Variants in SYN3 observed in about 807,000 individuals in gnomAD.
SYN3 encodes the protein synapsin-3.
Under a neutral mutation model 65.8 loss-of-function variants are expected in SYN3, and 35 were observed. That is an observed-to-expected ratio of 0.53 (90% confidence interval 0.41 to 0.70). The LOEUF (loss-of-function observed/expected upper bound fraction) is 0.70. SYN3 is among the 30% of genes least tolerant of loss of function. The probability of loss-of-function intolerance (pLI) is 0.00; values close to 1 mark genes in which losing one functional copy is unlikely to be tolerated. For missense variants in SYN3, 680 were observed against 749.0 expected (o/e 0.91, Z 1.08); for synonymous variants, 270 against 292.9 (o/e 0.92, Z 0.80).
chr22:32,693,592 GTTTTTTT>G (rs1189710191), intron 6 of SYN3, among the ~76,000 whole-genome samples: 21 of 90,532 alleles, frequency 2.3e-4, no homozygotes, highest in Non-Finnish European at 3.3e-4. Flanking sequence ...TCTGTAGCTT[GTTTTTTT>G]TTTTTTTTTT....
At chr22:32,984,779 C>G (rs2052475099) in intron 2 of SYN3, among the ~76,000 whole-genome samples, 1 of 152,044 alleles carries the variant, frequency 6.6e-6, no homozygotes, top group Non-Finnish European at 1.5e-5. Context: ...ACTGGGTGGG[C>G]CTGGGACCGG....
At chr22:32,858,397 T>C (rs1282277878) in intron 6 of SYN3, among the ~76,000 whole-genome samples, 1 of 152,142 alleles carries the variant, frequency 6.6e-6, no homozygotes, top group Non-Finnish European at 1.5e-5. Flanking sequence ...TGCTGGGGCA[T>C]GAGGGCTCTT....
At chr22:33,018,933 T>G (rs1472357328) in intron 1 of SYN3, among the ~76,000 whole-genome samples, 5 of 152,142 alleles carry the variant, frequency 3.3e-5, no homozygotes, top group African/African-American at 1.2e-4. Context: ...TCCACTAACA[T>G]CTTCAGCATC....
intron 6 of SYN3, among the ~76,000 whole-genome samples, chr22:32,843,913 G>A (rs1396620631): frequency 6.6e-6 from 1 of 152,130 alleles, no homozygotes; most frequent in Non-Finnish European, 1.5e-5. Flanking sequence ...TCTTTGGAGA[G>A]ACAGGAATGG....
chr22:32,970,017 C>T (rs2051969486), intron 3 of SYN3, among the ~76,000 whole-genome samples: 1 of 152,186 alleles, frequency 6.6e-6, no homozygotes, highest in Non-Finnish European at 1.5e-5. Flanking sequence ...GGATTATATC[C>T]TTTCTATTTC....
intron 6 of SYN3, among the ~76,000 whole-genome samples, chr22:32,750,648 A>T (rs912301092): frequency 6.6e-6 from 1 of 151,634 alleles, no homozygotes; most frequent in African/African-American, 2.4e-5. Context: ...ATATACTGAA[A>T]CAGGGCAAGG....
At chr22:32,569,581 A>ATATATT (rs2058731185) in intron 7 of SYN3, among the ~76,000 whole-genome samples, 1 of 120,542 alleles carries the variant, frequency 8.3e-6, no homozygotes, top group African/African-American at 2.8e-5. Flanking sequence ...CTATATATAT[A>ATATATT]TATATATAAA....
At chr22:32,554,947 G>A (rs2058471935) in intron 7 of SYN3, among the ~76,000 whole-genome samples, 1 of 152,330 alleles carries the variant, frequency 6.6e-6, no homozygotes, top group South Asian at 2.1e-4. Context: ...TTGCTGTTGA[G>A]CATTCAATGA....
At chr22:32,886,939 G>A (rs1341575173) in intron 4 of SYN3, among the ~76,000 whole-genome samples, 1 of 152,248 alleles carries the variant, frequency 6.6e-6, no homozygotes, top group Non-Finnish European at 1.5e-5. Context: ...CCCGGAGGGG[G>A]TGGGATCTGT....
intron 4 of SYN3, among the ~76,000 whole-genome samples, chr22:32,875,546 T>C (rs1203628730): frequency 6.6e-6 from 1 of 151,996 alleles, no homozygotes; most frequent in Non-Finnish European, 1.5e-5. Flanking sequence ...ATTTGGAAAA[T>C]AGGGCCTTTG....
At chr22:32,653,527 C>T (rs945365029) in intron 6 of SYN3, among the ~76,000 whole-genome samples, 4 of 152,094 alleles carry the variant, frequency 2.6e-5, no homozygotes, top group African/African-American at 4.8e-5. Context: ...ACCCAGAGTC[C>T]TTTATGGGAG....
intron 6 of SYN3, among the ~76,000 whole-genome samples, chr22:32,722,051 G>C (rs182050952): frequency 1.3e-5 from 2 of 152,322 alleles, no homozygotes; most frequent in African/African-American, 4.8e-5. Context: ...GCAAATGAGC[G>C]AGAGGAAGAG....
chr22:32,743,146 A>C (rs999735563), intron 6 of SYN3, among the ~76,000 whole-genome samples: 5 of 152,232 alleles, frequency 3.3e-5, no homozygotes, highest in Non-Finnish European at 5.9e-5. Context: ...TAGCTATTTC[A>C]GTTACCCCCT....
intron 7 of SYN3, among the ~76,000 whole-genome samples, chr22:32,582,904 C>T (rs1268764815): frequency 6.6e-6 from 1 of 152,194 alleles, no homozygotes; most frequent in Non-Finnish European, 1.5e-5. Flanking sequence ...CCTCCTCCAT[C>T]GACCTGCTGA....
intron 6 of SYN3, among the ~76,000 whole-genome samples, chr22:32,599,599 G>T (rs540657349): frequency 6.6e-6 from 1 of 152,250 alleles, no homozygotes; most frequent in Non-Finnish European, 1.5e-5. Context: ...GGGATTACAG[G>T]TGTGAGCCAC....
intron 6 of SYN3, among the ~76,000 whole-genome samples, chr22:32,732,908 T>C (rs2061288802): frequency 6.6e-6 from 1 of 152,218 alleles, no homozygotes; most frequent in African/African-American, 2.4e-5. Context: ...CCATAAGTCT[T>C]ATATTATCCT....
chr22:32,974,123 G>C (rs1246155095), intron 3 of SYN3, among the ~76,000 whole-genome samples: 1 of 152,194 alleles, frequency 6.6e-6, no homozygotes, highest in African/African-American at 2.4e-5. Context: ...TTGTGAGGTT[G>C]AAATAAGATT....
At chr22:32,636,856 G>C (rs1569111965) in intron 6 of SYN3, among the ~76,000 whole-genome samples, 1 of 152,166 alleles carries the variant, frequency 6.6e-6, no homozygotes. Flanking sequence ...TATAAAATGA[G>C]ATGGTCAGAT....
intron 2 of SYN3, among the ~76,000 whole-genome samples, chr22:32,993,347 T>TTTTG (rs930501300): frequency 2.6e-5 from 4 of 152,136 alleles, no homozygotes; most frequent in African/African-American, 9.7e-5. Context: ...AATAAATCTC[T>TTTTG]TTTGTTTGTT....
Sources: allele counts gnomAD v4.1 joint callset (sites outside exome capture counted in the v4.1 genomes callset), GRCh38; gene constraint gnomAD v4.1.1; transcripts MANE v1.5; gene names NCBI Gene and HGNC (gene_info 2026-07-23, HGNC 2026-07-21).